Variants in ZNF273 observed in about 807,000 individuals in gnomAD.
ZNF273 encodes the protein zinc finger protein 273.
ZNF273 carries 11 observed loss-of-function variants against 14.9 expected under a neutral mutation model. The ratio of observed to expected loss-of-function variants is 0.74; its 90% confidence interval spans 0.46 to 1.22. ZNF273 has a LOEUF of 1.22. ZNF273 is among the 50% of genes most tolerant of loss of function. The pLI is 0.00. For missense variants in ZNF273, 577 were observed against 660.6 expected (o/e 0.87, Z 1.39); for synonymous variants, 199 against 223.9 (o/e 0.89, Z 0.99).
intron 2 of ZNF273, 30 bp downstream of exon 2, chr7:64,917,737 G>T (rs1005100268): frequency 6.5e-7 from 1 of 1,542,690 alleles, no homozygotes; most frequent in Non-Finnish European, 8.7e-7. Context: ...ATAATTTAAA[G>T]GTTTCACTTC....
Position 64,918,210 on chromosome 7 carries a change from T to C in ZNF273, c.243T>C (p.Ser81=). ...TTAATAAAACAGGTATTGCTGTCTCTAAGCCAGACCTGATCACTTGTCTGG... is the reference window on the plus strand; with the variant it reads ...TTAATAAAACAGGTATTGCTGTCTCCAAGCCAGACCTGATCACTTGTCTGG... The part of the protein sequence containing the change: ...RNLVFLGIAV[S]KPDLITCLEQ... The change falls in exon 3 of 4, where the codon TCT becomes TCC. Residue 81 remains serine (S), a synonymous_variant. Coordinates refer to ENST00000476120, the MANE Select transcript of ZNF273 (RefSeq NM_021148.3). The C allele has an allele frequency of 6.4e-7, 1 of 1,565,338 alleles. No homozygotes were observed. The highest frequency in any genetic ancestry group is 2.4e-5 in the East Asian group (1 of 41,334).
chr7:64,889,429 C>T, downstream of ZNF273: 4 of 985,792 alleles, frequency 4.1e-6, no homozygotes, highest in Non-Finnish European at 4.8e-6. This position sits in a 1 kb window ranked among gnomAD's most constrained non-coding sequence, Gnocchi z 4.2. Flanking sequence ...AGCCCCTTCC[C>T]ACTCGGGCTC....
At chr7:64,895,181 A>T (rs1002286262) in intron 3 of ZNF273, among the ~76,000 whole-genome samples, 1 of 152,160 alleles carries the variant, frequency 6.6e-6, no homozygotes, top group Non-Finnish European at 1.5e-5. Context: ...GAGATTTTTA[A>T]TTAATAATTT....
chr7:64,889,698 TC>T, downstream of ZNF273: 1 of 985,852 alleles, frequency 1.0e-6, no homozygotes, highest in Non-Finnish European at 1.2e-6. The surrounding 1 kb of genome is among the most constrained non-coding windows in gnomAD (Gnocchi z 4.2). Flanking sequence ...CCGCAAACGC[TC>T]GGGATGCGGT....
intron 1 of ZNF273, among the ~76,000 whole-genome samples, chr7:64,910,526 T>C (rs1583988278): frequency 6.6e-6 from 1 of 152,160 alleles, no homozygotes; most frequent in East Asian, 1.9e-4. Context: ...CATTGGTCTA[T>C]GAGCCTGTTT....
chr7:64,882,569 G>C (rs1791296601), downstream of ZNF273: 1 of 152,276 alleles, frequency 6.6e-6, no homozygotes, highest in Non-Finnish European at 1.5e-5. Flanking sequence ...TCGTTGCCTG[G>C]CGACTAGTCC....
downstream of ZNF273, chr7:64,890,230 G>GAGAGAGAGAGAGAGAGAGAC: frequency 6.6e-6 from 1 of 150,756 alleles, no homozygotes; most frequent in Non-Finnish European, 1.5e-5. Context: ...GTGAGAGAGA[G>GAGAGAGAGAGAGAGAGAGAC]AGAGAGGGAA....
chr7:64,894,736 T>C (rs970801738), downstream of ZNF273, among the ~76,000 whole-genome samples: 2 of 152,150 alleles, frequency 1.3e-5, no homozygotes, highest in African/African-American at 4.8e-5. Context: ...ATTTAGACAG[T>C]CTATTTATAT....
downstream of ZNF273, among the ~76,000 whole-genome samples, chr7:64,894,588 C>T (rs541121768): frequency 3.9e-5 from 4 of 103,114 alleles, no homozygotes; most frequent in Admixed American, 2.0e-4. Flanking sequence ...AATGTCACAA[C>T]AGTAAAAAAA....
At chr7:64,906,379 C>T (rs1793111398) in intron 1 of ZNF273, among the ~76,000 whole-genome samples, 1 of 152,124 alleles carries the variant, frequency 6.6e-6, no homozygotes, top group African/African-American at 2.4e-5. Context: ...ATACGTTTAT[C>T]ATCTAAAAGG....
chr7:64,911,235 C>A (rs114337100), intron 1 of ZNF273, among the ~76,000 whole-genome samples: 2 of 148,962 alleles, frequency 1.3e-5, no homozygotes, highest in Non-Finnish European at 3.0e-5. Flanking sequence ...GGTGAACCAA[C>A]TTTGCATTTT....
rs75487960 is a variant in ZNF273, at chr7:64,878,852, C to T, written n.330+357C>T. On this transcript the variant is annotated intron_variant and non_coding_transcript_variant, in intron 2 of 2. Coordinates refer to the ZNF273 transcript ENST00000465954. ...GGGTTTCCATGGTCTGGCTCAAAAT[C>T]TTCCACAGTAAACATTTCCAGGTCA... Among the ~76,000 whole-genome samples the T allele has an allele frequency of 9.2e-3, 1,397 of 152,328 alleles. 16 individuals carry two copies. The highest frequency in any genetic ancestry group is 0.032 in the African/African-American group (1,327 of 41,564).
chr7:64,888,868 T>C (rs899738591), exon 2 of ZNF273: 56 of 985,858 alleles, frequency 5.7e-5, no homozygotes, highest in Non-Finnish European at 6.5e-5. Context: ...CATGTTCATC[T>C]ATCTGCCAGG....
chr7:64,890,727 G>C (rs1026652779), downstream of ZNF273, among the ~76,000 whole-genome samples: 2 of 152,174 alleles, frequency 1.3e-5, no homozygotes, highest in East Asian at 1.9e-4. Flanking sequence ...CCTGTTATCT[G>C]TTTTCATCCT....
At chr7:64,906,188 T>G (rs1793098339) in intron 1 of ZNF273, among the ~76,000 whole-genome samples, 3 of 152,186 alleles carry the variant, frequency 2.0e-5, no homozygotes, top group Non-Finnish European at 4.4e-5. Context: ...TTACTTAGAT[T>G]TGTGAAAACA....
chr7:64,878,727 C>G (rs767292491), intron 2 of ZNF273, among the ~76,000 whole-genome samples: 2 of 152,204 alleles, frequency 1.3e-5, no homozygotes, highest in Non-Finnish European at 2.9e-5. Flanking sequence ...CTTTCATTCC[C>G]GGAGCCACAT....
chr7:64,931,799 T>G (rs1048794203), downstream of ZNF273, among the ~76,000 whole-genome samples: 4 of 152,116 alleles, frequency 2.6e-5, no homozygotes, highest in Non-Finnish European at 5.9e-5. Context: ...GAAGTTAGTT[T>G]GTAACTTCAA....
At chr7:64,890,289 A>G (rs1040352298), downstream of ZNF273, among the ~76,000 whole-genome samples, 4 of 151,070 alleles carry the variant, frequency 2.6e-5, no homozygotes, top group Non-Finnish European at 4.4e-5. Context: ...AGGAGTGAAC[A>G]GCAGCATCCC....
At chr7:64,884,800 G>T (rs898469076) in intron 1 of ZNF273, among the ~76,000 whole-genome samples, 2 of 152,192 alleles carry the variant, frequency 1.3e-5, no homozygotes, top group East Asian at 1.9e-4. Context: ...TCACATTCTC[G>T]AATCGCCTTT....
Sources: gnomAD v4.1 joint callset for allele counts (sites outside exome capture counted in the v4.1 genomes callset) on GRCh38, gnomAD v4.1.1 for gene constraint, Gnocchi (gnomAD v3.1) non-coding constraint, MANE v1.5 for transcripts, NCBI Gene and HGNC (gene_info 2026-07-23, HGNC 2026-07-21) for gene names.